Variants in FGF12 observed in about 807,000 individuals in gnomAD.
FGF12 encodes the protein fibroblast growth factor 12B.
FGF12 carries 14 observed loss-of-function variants against 23.6 expected under a neutral mutation model. The observed-to-expected ratio is 0.59, with a 90% CI of 0.39 to 0.93. FGF12 has a LOEUF of 0.93. Ranked by LOEUF, FGF12 falls within the 40% of genes least tolerant of loss-of-function variation. The pLI is 0.00. For synonymous variants in FGF12, 62 were observed against 77.3 expected (o/e 0.80, Z 1.04); for missense variants, 175 against 217.8 (o/e 0.80, Z 1.24).
At chr3:192,386,014 G>A (rs1381708637) in intron 2 of FGF12, among the ~76,000 whole-genome samples, 1 of 152,166 alleles carries the variant, frequency 6.6e-6, no homozygotes, top group Non-Finnish European at 1.5e-5. Flanking sequence ...TTAACATGAA[G>A]GTAACTGGGG....
intron 2 of FGF12, among the ~76,000 whole-genome samples, chr3:192,577,876 G>A (rs200677527): frequency 6.9e-6 from 1 of 144,666 alleles, no homozygotes; most frequent in East Asian, 2.1e-4. Flanking sequence ...AATGTGAAGT[G>A]TTAGATAAAG....
chr3:192,225,975 T>C lies in FGF12; in HGVS notation c.229-55319A>G, dbSNP rs189227073. ...GAAGGATGGAATAGGAAGTGACTGG[T>C]AGTGGGTATGGGATTTATTTTGGGG... On this transcript the variant is annotated intron_variant, in intron 4 of 5. Transcript: ENST00000445105. Among the ~76,000 whole-genome samples the C allele has an allele frequency of 1.1e-3, 171 of 152,268 alleles. 5 individuals carry two copies. Among genetic ancestry groups the C allele is most frequent in the Non-Finnish European group, 4.1e-4 (28 of 68,014 alleles).
chr3:192,685,833 A>G (rs1261244472), intron 2 of FGF12, among the ~76,000 whole-genome samples: 4 of 152,200 alleles, frequency 2.6e-5, no homozygotes, highest in Non-Finnish European at 5.9e-5. Context: ...TGACAATAGT[A>G]TTTTAAGGTT....
chr3:192,356,316 G>A (rs1321841773), intron 3 of FGF12, among the ~76,000 whole-genome samples: 1 of 152,072 alleles, frequency 6.6e-6, no homozygotes, highest in Non-Finnish European at 1.5e-5. Context: ...CATATCAAAT[G>A]CTCTTAATAT....
chr3:192,652,360 G>A lies in FGF12; in HGVS notation c.13+74821C>T, dbSNP rs191752557. On this transcript the variant is annotated intron_variant, in intron 2 of 5. Coordinates refer to ENST00000445105, the MANE Select transcript of FGF12 (RefSeq NM_004113.6). ...GAAAGAAGAGCAGGAATGACAGCCC[G>A]GATGGATGAGAGTGCAAAGCTCACC... is the stretch of plus-strand genomic sequence containing the variant. 1.5e-4 allele frequency among the ~76,000 whole-genome samples: 23 copies of A among 152,268 alleles called. No individual in the cohort carries two copies. In the East Asian group the frequency reaches 1.9e-3, roughly 13 times the overall value.
intron 2 of FGF12, among the ~76,000 whole-genome samples, chr3:192,611,242 C>T (rs1469902723): frequency 6.6e-6 from 1 of 152,024 alleles, no homozygotes; most frequent in Non-Finnish European, 1.5e-5. Flanking sequence ...ATTTAAAACT[C>T]TTTAAGCCTC....
intron 4 of FGF12, among the ~76,000 whole-genome samples, chr3:192,235,399 C>T (rs1719236823): frequency 6.6e-6 from 1 of 152,178 alleles, no homozygotes; most frequent in Non-Finnish European, 1.5e-5. Context: ...CCTCCACCTC[C>T]CAGGTTCAAA....
chr3:192,374,317 T>C (rs1028664431), intron 2 of FGF12, among the ~76,000 whole-genome samples: 5 of 152,344 alleles, frequency 3.3e-5, no homozygotes, highest in Non-Finnish European at 7.3e-5. Context: ...ATTCTTTCCA[T>C]GGATCACCTG....
In FGF12 at chr3:192,408,147, GC is replaced by G; in HGVS notation, c.14-47610del. The G allele has an allele frequency of 6.2e-7, 1 of 1,611,796 alleles. No homozygotes were observed. The highest frequency in any genetic ancestry group is 8.5e-7 in the Non-Finnish European group (1 of 1,179,946). Reference sequence around the variant, plus strand: ...GCTGGGGCTGGAGCGGCGCTTGGAGGCCGACACTCGGTCGCTGTTGGACTCC... The same window carrying G: ...GCTGGGGCTGGAGCGGCGCTTGGAGGCGACACTCGGTCGCTGTTGGACTCC... On this transcript the variant is annotated intron_variant, in intron 2 of 5. Coordinates refer to ENST00000445105, the MANE Select transcript of FGF12 (RefSeq NM_004113.6). This position sits in a 1 kb window ranked among gnomAD's most constrained non-coding sequence, Gnocchi z 7.3.
chr3:192,404,173 T>C (rs895603781), intron 2 of FGF12, among the ~76,000 whole-genome samples: 13 of 152,186 alleles, frequency 8.5e-5, no homozygotes, highest in Admixed American at 2.0e-4. Flanking sequence ...TCTTTTCATG[T>C]TCTGGTTTGA....
At chr3:192,556,263 A>G (rs1384339862) in intron 2 of FGF12, among the ~76,000 whole-genome samples, 1 of 152,184 alleles carries the variant, frequency 6.6e-6, no homozygotes, top group Non-Finnish European at 1.5e-5. Context: ...TCCAACTATA[A>G]GATATAAACA....
intron 2 of FGF12, among the ~76,000 whole-genome samples, chr3:192,368,206 T>C (rs773762609): frequency 1.3e-5 from 2 of 152,158 alleles, no homozygotes; most frequent in Non-Finnish European, 2.9e-5. Context: ...TTAAAACTAC[T>C]ACTTGACATC....
At chr3:192,633,955 A>C (rs1715489350) in intron 2 of FGF12, among the ~76,000 whole-genome samples, 1 of 152,142 alleles carries the variant, frequency 6.6e-6, no homozygotes, top group South Asian at 2.1e-4. Flanking sequence ...CTTCTCCTGA[A>C]ATCCCTGTCT....
At chr3:192,453,731 G>A (rs1204438526) in intron 2 of FGF12, among the ~76,000 whole-genome samples, 8 of 151,954 alleles carry the variant, frequency 5.3e-5, no homozygotes, top group South Asian at 2.1e-4. Flanking sequence ...TGCTTGGCTT[G>A]GGCTCAGCTC....
At chr3:192,524,426 C>G (rs1468168644) in intron 2 of FGF12, among the ~76,000 whole-genome samples, 3 of 152,138 alleles carry the variant, frequency 2.0e-5, no homozygotes, top group African/African-American at 7.2e-5. Context: ...AGGAAAGAGT[C>G]TAAGCTTATG....
chr3:192,243,092 C>A (rs1322864482), intron 4 of FGF12, among the ~76,000 whole-genome samples: 2 of 151,974 alleles, frequency 1.3e-5, no homozygotes, highest in Non-Finnish European at 2.9e-5. Context: ...TATCAAAATA[C>A]TTCTGAGGTA....
intron 2 of FGF12, among the ~76,000 whole-genome samples, chr3:192,670,128 A>G (rs1717056403): frequency 1.3e-5 from 2 of 152,204 alleles, no homozygotes; most frequent in Non-Finnish European, 2.9e-5. Context: ...AACCAAAACA[A>G]TATTTGCCAT....
rs1716743073 is a variant in FGF12, at chr3:192,663,435, G to A, written c.13+63746C>T. Among the ~76,000 whole-genome samples the A allele has an allele frequency of 2.0e-5, 3 of 152,138 alleles. No homozygotes were observed. The South Asian group carries it at 6.2e-4, about 32-fold the overall frequency. On this transcript the variant is annotated intron_variant, in intron 2 of 5. Coordinates refer to ENST00000445105, the MANE Select transcript of FGF12 (RefSeq NM_004113.6). ...AATAAATGGGGTCCAAGGCTGGTGGGTGACTTGTTCTCAGGTCATTCACAT... is the reference window on the plus strand; with the variant it reads ...AATAAATGGGGTCCAAGGCTGGTGGATGACTTGTTCTCAGGTCATTCACAT...
At position 192,480,275 on chromosome 3, in the gene FGF12, A is replaced by G. The variant is rs185546999; in HGVS notation, c.14-119737T>C. ...TACCATTCTTCTCACCCTTGCCAACAAAACCTATTTTTCTCCCACAAAACC... is the reference window on the plus strand; with the variant it reads ...TACCATTCTTCTCACCCTTGCCAACGAAACCTATTTTTCTCCCACAAAACC... On this transcript the variant is annotated intron_variant, in intron 2 of 5. Transcript: ENST00000445105. 3.7e-3 allele frequency among the ~76,000 whole-genome samples: 557 copies of G among 152,294 alleles called. 1 individual carries two copies. The highest frequency in any genetic ancestry group is 0.013 in the African/African-American group (531 of 41,570).
Sources: gnomAD v4.1 joint callset for allele counts (sites outside exome capture counted in the v4.1 genomes callset) on GRCh38, gnomAD v4.1.1 for gene constraint, Gnocchi (gnomAD v3.1) non-coding constraint, MANE v1.5 for transcripts, NCBI Gene and HGNC (gene_info 2026-07-23, HGNC 2026-07-21) for gene names.